LARGE1: variants seen among roughly 807,000 people sequenced by gnomAD.
LARGE1 encodes the protein xylosyl- and glucuronyltransferase LARGE1.
A neutral mutation model predicts 87.6 loss-of-function variants in LARGE1; 43 were observed. That is an observed-to-expected ratio of 0.49 (90% CI 0.38 to 0.63). The LOEUF is 0.63. LARGE1 is among the 30% of genes least tolerant of loss of function. The pLI is 0.00. For synonymous variants in LARGE1, 434 were observed against 394.6 expected (o/e 1.10, Z -1.18); for missense variants, 802 against 1,000.2 (o/e 0.80, Z 2.67).
chr22:33,304,586 C>T (rs1013705464), intron 11 of LARGE1, 79 bp from the exon 12 acceptor site: 2 of 1,408,700 alleles, frequency 1.4e-6, no homozygotes, highest in Non-Finnish European at 1.9e-6. Context: ...GGGGCTCTGC[C>T]TCCAGTGACA....
At chr22:33,733,899 C>T (rs879266611) in intron 2 of LARGE1, among the ~76,000 whole-genome samples, 1 of 152,110 alleles carries the variant, frequency 6.6e-6, no homozygotes, top group Non-Finnish European at 1.5e-5. Context: ...TCCAAGGCTA[C>T]CATAACAAAC....
chr22:33,338,041 G>A (rs1243746023), intron 9 of LARGE1, among the ~76,000 whole-genome samples: 1 of 152,162 alleles, frequency 6.6e-6, no homozygotes, highest in African/African-American at 2.4e-5. Context: ...GAATCTCTGT[G>A]CCTCAGTTTC....
chr22:33,798,634 G>A (rs143307054), intron 1 of LARGE1, among the ~76,000 whole-genome samples: 1 of 152,224 alleles, frequency 6.6e-6, no homozygotes, highest in African/African-American at 2.4e-5. Flanking sequence ...CCCGGACATA[G>A]GACCTTGACA....
At chr22:33,074,471 TC>T in the LARGE1 span, among the ~76,000 whole-genome samples, 1 of 152,106 alleles carries the variant, frequency 6.6e-6, no homozygotes, top group Admixed American at 6.6e-5. Flanking sequence ...GGTCAGGAGT[TC>T]CAGACCATCC....
intron 9 of LARGE1, among the ~76,000 whole-genome samples, chr22:33,376,438 A>C (rs2064995923): frequency 6.6e-6 from 1 of 152,238 alleles, no homozygotes; most frequent in Non-Finnish European, 1.5e-5. Flanking sequence ...TTTAAGAAAT[A>C]AGTCTCGTGC....
intron 5 of LARGE1, among the ~76,000 whole-genome samples, chr22:33,566,431 A>G (rs1392687146): frequency 6.6e-6 from 1 of 152,230 alleles, no homozygotes; most frequent in Non-Finnish European, 1.5e-5. Context: ...GCAAAGGAAG[A>G]AAAAAATAGC....
rs182417817 is a variant in LARGE1, at chr22:33,273,555, C to T, written c.*872G>A. The T allele has an allele frequency of 1.0e-5, 4 of 398,732 alleles. No homozygotes were observed. In the East Asian group the frequency reaches 1.4e-4, roughly 14 times the overall value. The allele number at this position is 398,732 out of a possible 1,614,324, so 24.7% of individuals were successfully genotyped here. ...TGTGACCGGTGTAAAACAGCCAGCC[C>T]TCGTAATTCCGCAGTCCCCATCGCT... On this transcript the variant is annotated 3_prime_UTR_variant, in exon 15 of 15. Coordinates refer to ENST00000397394, the MANE Select transcript of LARGE1 (RefSeq NM_133642.5).
chr22:33,196,606 G>T (rs1053336123), intron 11 of LARGE1, among the ~76,000 whole-genome samples: 2 of 148,640 alleles, frequency 1.3e-5, no homozygotes, highest in African/African-American at 2.4e-5. Context: ...AAAATTTTTC[G>T]CAAAATAGGG....
rs184454608 is a variant in LARGE1 at position 33,609,779 on chromosome 22, C to T, written c.492-5221G>A. Among the ~76,000 whole-genome samples, 85 of 151,998 alleles carry T rather than the reference C, an allele frequency of 5.6e-4. 1 individual carries two copies. Among genetic ancestry groups the T allele is most frequent in the Admixed American group, 4.3e-3 (65 of 15,286 alleles). Reference sequence around the variant, plus strand: ...ATGGTTAGTGTTTGGGTCATGGGGGCGGATCCCTCATGGCTTGGTGCTGTC... The same window carrying T: ...ATGGTTAGTGTTTGGGTCATGGGGGTGGATCCCTCATGGCTTGGTGCTGTC... On this transcript the variant is annotated intron_variant, in intron 4 of 14. Coordinates refer to ENST00000397394, the MANE Select transcript of LARGE1 (RefSeq NM_133642.5).
At chr22:33,166,651 C>A in exon 12 of LARGE1, 1 of 433,696 alleles carries the variant, frequency 2.3e-6, no homozygotes, top group Non-Finnish European at 4.8e-6. Flanking sequence ...GGATGTTCAC[C>A]TGGCACGTAC....
At chr22:33,554,466 C>T (rs556589945) in intron 6 of LARGE1, among the ~76,000 whole-genome samples, 19 of 152,220 alleles carry the variant, frequency 1.2e-4, no homozygotes, top group Non-Finnish European at 1.6e-4. Context: ...CCCCTGGCCC[C>T]GACCCTTCTT....
chr22:33,259,277 A>G (rs1927489755), intron 11 of LARGE1, among the ~76,000 whole-genome samples: 1 of 152,100 alleles, frequency 6.6e-6, no homozygotes, highest in Non-Finnish European at 1.5e-5. Flanking sequence ...CAAGTGAGAG[A>G]GAAGGCAGAT....
intron 7 of LARGE1, among the ~76,000 whole-genome samples, chr22:33,397,436 T>C (rs377719114): frequency 2.2e-4 from 33 of 152,240 alleles, no homozygotes; most frequent in African/African-American, 7.0e-4. Context: ...TCTTACACAA[T>C]AGCATAGTTT....
intron 1 of LARGE1, among the ~76,000 whole-genome samples, chr22:33,885,368 T>G (rs1005736021): frequency 6.6e-6 from 1 of 152,228 alleles, no homozygotes; most frequent in Non-Finnish European, 1.5e-5. Flanking sequence ...AGGAGTAGAA[T>G]TGGGGTACAC....
chr22:33,387,418 C>A lies in LARGE1; in HGVS notation c.893-3114G>T, dbSNP rs528219698. The stretch of plus-strand genomic sequence containing the variant: ...CTCCAGTGGGGGTAACAGAGTGAGA[C>A]TCTGTCTCAAAAAAAAAAAAAAAAA... On this transcript the variant is annotated intron_variant, in intron 7 of 14. Coordinates refer to ENST00000397394, the MANE Select transcript of LARGE1 (RefSeq NM_133642.5). 2.5e-3 allele frequency among the ~76,000 whole-genome samples: 283 copies of A among 111,094 alleles called. 1 individual carries two copies. Among genetic ancestry groups the A allele is most frequent in the African/African-American group, 0.01 (271 of 27,048 alleles). The allele number at this position is 111,094 out of a possible 152,430, so 72.9% of individuals were successfully genotyped here. A position where few individuals can be genotyped will look rare whatever the true frequency, so the allele number is the denominator to read the frequency against.
At chr22:33,537,531 C>T (rs1030400510) in intron 6 of LARGE1, among the ~76,000 whole-genome samples, 3 of 152,260 alleles carry the variant, frequency 2.0e-5, no homozygotes, top group East Asian at 1.9e-4. Flanking sequence ...TTAACTTAAT[C>T]GCTTATGTAA....
chr22:33,692,018 C>T (rs769140601), intron 2 of LARGE1, among the ~76,000 whole-genome samples: 3 of 152,180 alleles, frequency 2.0e-5, no homozygotes, highest in South Asian at 2.1e-4. Context: ...AAGGCTACCA[C>T]GGAACCAATC....
At chr22:33,850,774 G>A (rs1021550135) in intron 1 of LARGE1, among the ~76,000 whole-genome samples, 5 of 152,080 alleles carry the variant, frequency 3.3e-5, no homozygotes, top group African/African-American at 1.2e-4. Flanking sequence ...GGTAGCAGCT[G>A]GATCCCAGGC....
intron 1 of LARGE1, among the ~76,000 whole-genome samples, chr22:33,833,627 A>C (rs1751225936): frequency 6.6e-6 from 1 of 152,150 alleles, no homozygotes; most frequent in Admixed American, 6.5e-5. Context: ...AGGGCTAGCA[A>C]ACTAACACAC....
Sources: gnomAD v4.1 joint callset for allele counts (sites outside exome capture counted in the v4.1 genomes callset) on GRCh38, gnomAD v4.1.1 for gene constraint, MANE v1.5 for transcripts, NCBI Gene and HGNC (gene_info 2026-07-23, HGNC 2026-07-21) for gene names.